Variants in ADRA1A observed in about 807,000 individuals in gnomAD.
ADRA1A encodes the protein alpha-1A adrenergic receptor.
ADRA1A carries 31 observed loss-of-function variants against 29.6 expected under a neutral mutation model. The observed-to-expected ratio is 1.05, with a 90% CI of 0.79 to 1.41. The LOEUF is 1.41. Ranked by LOEUF, ADRA1A falls within the 40% of genes most tolerant of loss-of-function variation. ADRA1A has a pLI of 0.00. For missense variants in ADRA1A, 619 were observed against 601.1 expected, an observed-to-expected ratio of 1.03 and a Z score of -0.31; for synonymous variants, 311 against 254.3, an observed-to-expected ratio of 1.22 and a Z score of -2.12.
At chr8:26,853,875 C>T (rs779557405) in intron 2 of ADRA1A, 1 of 151,998 alleles carries the variant, frequency 6.6e-6, no homozygotes, top group Non-Finnish European at 1.5e-5. Flanking sequence ...TTTGCAAAAA[C>T]CATAAAACAA....
At chr8:26,812,818 C>A (rs898276324) in intron 2 of ADRA1A, among the ~76,000 whole-genome samples, 24 of 151,708 alleles carry the variant, frequency 1.6e-4, no homozygotes, top group Admixed American at 6.6e-5. Context: ...GCGCCCGCCA[C>A]CACGCCAGGC....
chr8:26,854,422 G>GC (rs1554512921), intron 2 of ADRA1A: 2 of 112,544 alleles, frequency 1.8e-5, no homozygotes, highest in African/African-American at 6.7e-5. Context: ...TTAAAGCGGG[G>GC]CGGGGGGGGG....
intron 2 of ADRA1A, among the ~76,000 whole-genome samples, chr8:26,771,141 A>G (rs1482861493): frequency 3.3e-5 from 5 of 152,160 alleles, no homozygotes; most frequent in Non-Finnish European, 5.9e-5. Flanking sequence ...CCCCTCCCAA[A>G]TGTTAGAATT....
rs1189407397 is a variant in ADRA1A at position 26,864,939 on chromosome 8, T to C, written c.31A>G (p.Ser11Gly). Residue 11 changes from serine (S) to glycine (G), a missense_variant, in exon 2 of 3, where the codon AGC becomes GGC. By Grantham distance (56) the Ser-to-Gly change is moderately conservative (BLOSUM62 0). Transcript: ENST00000380573. The surrounding 1 kb of genome is among the most constrained non-coding windows in gnomAD (Gnocchi z 8.1). ...GCCGGCGGTTGGGTGCAGTTGGAGC[T>C]GTCGGAAGCATTTCCCGAGAGAAAC... is the stretch of plus-strand genomic sequence containing the variant. MVFLSGNASDSSNCTQPPAPV... is the reference protein window; with the variant it reads MVFLSGNASDGSNCTQPPAPV... 1 of 1,610,840 alleles carries C rather than the reference T, an allele frequency of 6.2e-7. No homozygotes were observed. Among genetic ancestry groups the C allele is most frequent in the African/African-American group, 1.3e-5 (1 of 74,860 alleles).
chr8:26,853,190 A>G (rs1252119083), intron 2 of ADRA1A, among the ~76,000 whole-genome samples: 1 of 152,192 alleles, frequency 6.6e-6, no homozygotes, highest in Non-Finnish European at 1.5e-5. Flanking sequence ...CTAGAAAGAT[A>G]TTTCTTTGAT....
chr8:26,804,389 A>T (rs35233289), intron 2 of ADRA1A, among the ~76,000 whole-genome samples: 1 of 152,194 alleles, frequency 6.6e-6, no homozygotes, highest in Non-Finnish European at 1.5e-5. Context: ...TGAAAGTATA[A>T]AAAATTATAC....
downstream of ADRA1A, among the ~76,000 whole-genome samples, chr8:26,763,748 G>A (rs936147569): frequency 4.6e-5 from 7 of 152,086 alleles, no homozygotes; most frequent in African/African-American, 1.7e-4. This position sits in a 1 kb window ranked among gnomAD's most constrained non-coding sequence, Gnocchi z 4.5. Context: ...AGCTCACTCC[G>A]GCCTGCAGCC....
Position 26,864,421 on chromosome 8 carries a change from G to GC in ADRA1A, c.548dup (p.Tyr184LeufsTer117). 1 of 1,613,470 alleles carries GC rather than the reference G, an allele frequency of 6.2e-7. No homozygotes were observed. The highest frequency in any genetic ancestry group is 8.5e-7 in the Non-Finnish European group (1 of 1,180,034). ...AGCCCAGCGCTGAGAAGAGCACGTA[G>GC]CCCGGCTCCTCGTTGATCTGGCAGA... On this transcript the variant is annotated frameshift_variant, in exon 2 of 3. Transcript: ENST00000380573. LOFTEE classifies it high-confidence loss of function. This position sits in a 1 kb window ranked among gnomAD's most constrained non-coding sequence, Gnocchi z 8.1.
chr8:26,749,943 A>G (rs1804852522), intron 2 of ADRA1A, among the ~76,000 whole-genome samples: 1 of 152,162 alleles, frequency 6.6e-6, no homozygotes, highest in Admixed American at 6.5e-5. Context: ...TGTTTGGTTC[A>G]TGGGGCTAGA....
chr8:26,866,842 G>T lies in ADRA1A; in HGVS notation c.-687+94C>A. 7.1e-6 allele frequency: 7 copies of T among 985,210 alleles called. No individual in the cohort carries two copies. The highest frequency in any genetic ancestry group is 8.4e-6 in the Non-Finnish European group (7 of 829,758). The allele number at this position is 985,210 out of a possible 1,614,324, so 61.0% of individuals were successfully genotyped here. A position where few individuals can be genotyped will look rare whatever the true frequency, so the allele number is the denominator to read the frequency against. ...AAACCTGGTGGAAAAAGCGGGAGGC[G>T]CTGGGAAAAGTGGGGGTTCCGTCTC... On this transcript the variant is annotated intron_variant, in intron 1 of 2. Transcript: ENST00000380573. This position sits in a 1 kb window ranked among gnomAD's most constrained non-coding sequence, Gnocchi z 5.7.
downstream of ADRA1A, among the ~76,000 whole-genome samples, chr8:26,765,576 A>G (rs1805730582): frequency 1.3e-5 from 2 of 152,232 alleles, no homozygotes; most frequent in Non-Finnish European, 2.9e-5. Flanking sequence ...TTCATAGTTA[A>G]AAGTCCTAGT....
At chr8:26,856,170 C>T (rs558698275) in intron 2 of ADRA1A, among the ~76,000 whole-genome samples, 1 of 152,340 alleles carries the variant, frequency 6.6e-6, no homozygotes, top group East Asian at 1.9e-4. Context: ...TATACTATTT[C>T]TGATCACGAG....
chr8:26,840,579 C>A (rs1003682414), intron 2 of ADRA1A, among the ~76,000 whole-genome samples: 8 of 150,788 alleles, frequency 5.3e-5, no homozygotes, highest in Non-Finnish European at 1.0e-4. Flanking sequence ...TTATCCTGAA[C>A]TTTAGCGTTC....
At chr8:26,785,082 T>TTGAATGTTGAATGAA in intron 2 of ADRA1A, among the ~76,000 whole-genome samples, 1 of 152,176 alleles carries the variant, frequency 6.6e-6, no homozygotes, top group Admixed American at 6.5e-5. Flanking sequence ...TGATTGTTTT[T>TTGAATGTTGAATGAA]TGAATGTTGA....
At chr8:26,847,661 A>G (rs1812313341) in intron 2 of ADRA1A, among the ~76,000 whole-genome samples, 1 of 152,194 alleles carries the variant, frequency 6.6e-6, no homozygotes, top group Non-Finnish European at 1.5e-5. Context: ...CTTTTTGGGC[A>G]AAGACGACTG....
chr8:26,824,847 A>G (rs1810434028), intron 2 of ADRA1A, among the ~76,000 whole-genome samples: 1 of 152,246 alleles, frequency 6.6e-6, no homozygotes, highest in South Asian at 2.1e-4. Flanking sequence ...GAGAACAGGT[A>G]GAAATCATGT....
At chr8:26,758,796 A>G (rs1805342805) in intron 2 of ADRA1A, among the ~76,000 whole-genome samples, 2 of 152,196 alleles carry the variant, frequency 1.3e-5, no homozygotes, top group South Asian at 4.1e-4. Context: ...AACACACAAG[A>G]GAGCGCAGCT....
rs147487398 is a variant in ADRA1A, at chr8:26,855,695, A to G, written c.883+8392T>C. ...AAACCACAATGGCACATGTACACCT[A>G]TGTAACAAACCTGCATATTCTGCAC... On this transcript the variant is annotated intron_variant, in intron 2 of 2. Coordinates refer to ENST00000380573, the MANE Select transcript of ADRA1A (RefSeq NM_000680.4). 2.0e-3 allele frequency among the ~76,000 whole-genome samples: 310 copies of G among 152,328 alleles called. 1 individual carries two copies. Among genetic ancestry groups the G allele is most frequent in the African/African-American group, 7.2e-3 (299 of 41,578 alleles).
At position 26,864,727 on chromosome 8, in the gene ADRA1A, G is replaced by A. The variant is rs2130800798; in HGVS notation, c.243C>T (p.Pro81=). Reference sequence around the variant, plus strand: ...CTAGGACCTCGAAGATGGCGGAGAAGGGCAGCACCGTGGAGGTGAGCAGGA... The same window carrying A: ...CTAGGACCTCGAAGATGGCGGAGAAAGGCAGCACCGTGGAGGTGAGCAGGA... ...ADLLLTSTVL[P]FSAIFEVLGY... Residue 81 remains proline (P), a synonymous_variant, in exon 2 of 3, where the codon CCC becomes CCT. Coordinates refer to ENST00000380573, the MANE Select transcript of ADRA1A (RefSeq NM_000680.4). This position sits in a 1 kb window ranked among gnomAD's most constrained non-coding sequence, Gnocchi z 8.1. The A allele has an allele frequency of 6.2e-7, 1 of 1,614,200 alleles. No homozygotes were observed. The highest frequency in any genetic ancestry group is 8.5e-7 in the Non-Finnish European group (1 of 1,180,036).
Sources: gnomAD v4.1 joint callset for allele counts (sites outside exome capture counted in the v4.1 genomes callset) on GRCh38, gnomAD v4.1.1 for gene constraint, Gnocchi (gnomAD v3.1) non-coding constraint, MANE v1.5 for transcripts, NCBI Gene and HGNC (gene_info 2026-07-23, HGNC 2026-07-21) for gene names.